The following NUP133 variants were observed in gnomAD, a reference collection of about 807,000 sequenced individuals.
NUP133 encodes nucleoporin 133.
A neutral mutation model predicts 146.2 loss-of-function variants in NUP133; 66 were observed. That is an observed-to-expected ratio of 0.45 (90% CI 0.37 to 0.55). The LOEUF is 0.55. NUP133 is among the 20% of genes least tolerant of loss of function. The pLI is 0.00. For synonymous variants in NUP133, 521 were observed against 498.8 expected (o/e 1.04, Z -0.59); for missense variants, 1,277 against 1,374.8 (o/e 0.93, Z 1.12).
chr1:229,498,429 A>G, intron 5 of NUP133, 123 bp from the exon 6 acceptor site: 2 of 616,988 alleles, frequency 3.2e-6, no homozygotes, highest in Non-Finnish European at 2.6e-6. Context: ...ACAAAATAGA[A>G]CGTTGTTATT....
intron 3 of NUP133, 144 bp downstream of exon 3, chr1:229,501,855 A>T: frequency 1.7e-6 from 1 of 603,984 alleles, no homozygotes; most frequent in Non-Finnish European, 3.0e-6. Flanking sequence ...TCATTATTTC[A>T]CATCACTATG....
intron 1 of NUP133, 45 bp downstream of exon 1, chr1:229,508,023 C>A: frequency 7.1e-7 from 1 of 1,416,448 alleles, no homozygotes. Context: ...CCACTGCGGC[C>A]CGTGAGGCTG....
intron 20 of NUP133, among the ~76,000 whole-genome samples, 184 bp from the exon 21 acceptor site, chr1:229,458,480 A>G (rs956784157): frequency 1.3e-5 from 2 of 152,188 alleles, no homozygotes; most frequent in Non-Finnish European, 2.9e-5. Flanking sequence ...CAAAATATCA[A>G]CCATCCTCAC....
intron 22 of NUP133, among the ~76,000 whole-genome samples, 187 bp downstream of exon 22, chr1:229,452,338 C>T (rs1431084449): frequency 1.3e-5 from 2 of 152,172 alleles, no homozygotes; most frequent in African/African-American, 4.8e-5. Context: ...GAGGCAGATG[C>T]TGATTAATTT....
At position 229,495,933 on chromosome 1, in the gene NUP133, T is replaced by C. The variant is rs771794210; in HGVS notation, c.934A>G (p.Ile312Val). The C allele has an allele frequency of 5.0e-6, 8 of 1,608,988 alleles. No individual in the cohort carries two copies. The highest frequency in any genetic ancestry group is 3.4e-5 in the Admixed American group (2 of 58,688). ...ATGTTTTCCTTCAGGGCTCTATTTA[T>C]ATCCCAACTGTATGCATGCTTTTCT... is the stretch of plus-strand genomic sequence containing the variant. Reference protein sequence around the residue: ...SSEKHAYSWDINRALKENITD... With the variant: ...SSEKHAYSWDVNRALKENITD... Residue 312 changes from isoleucine to valine, a missense_variant, in exon 7 of 26, where the codon ATA becomes GTA. Around this residue, in one of 3 missense-constraint regions of NUP133, gnomAD observed 952 missense variants for 1,047.0 expected, o/e 0.91. Coordinates refer to ENST00000261396, the MANE Select transcript of NUP133 (RefSeq NM_018230.3).
At chr1:229,499,605 T>C (rs1225226096) in intron 5 of NUP133, 79 bp downstream of exon 5, 2 of 1,483,784 alleles carry the variant, frequency 1.3e-6, no homozygotes, top group Non-Finnish European at 1.8e-6. Flanking sequence ...CCCACCTCTA[T>C]TTAAAAATAA....
chr1:229,462,513 C>G (rs910080665), intron 19 of NUP133, among the ~76,000 whole-genome samples: 2 of 151,760 alleles, frequency 1.3e-5, no homozygotes, highest in African/African-American at 4.8e-5. Context: ...ACTGAATAGA[C>G]TGGCTTCAAG....
chr1:229,444,420 C>T (rs906947061), intron 25 of NUP133, among the ~76,000 whole-genome samples: 5 of 152,112 alleles, frequency 3.3e-5, no homozygotes, highest in Admixed American at 6.5e-5. Context: ...TTATAATCCA[C>T]TAAGAATAAC....
intron 2 of NUP133, among the ~76,000 whole-genome samples, chr1:229,502,960 T>C (rs951592879): frequency 6.6e-6 from 1 of 151,304 alleles, no homozygotes; most frequent in Admixed American, 6.6e-5. Flanking sequence ...TATCAAAAAA[T>C]AAGTAAGCAG....
Position 229,441,630 on chromosome 1 carries a change from A to G in NUP133, c.*274T>C. ...GTGAGCAGCTAGAACCAGGACAAGA[A>G]CTCCAGAACCTGGGACCACGTGAGA... On this transcript the variant is annotated 3_prime_UTR_variant, in exon 26 of 26. Transcript: ENST00000261396. 2.7e-6 allele frequency: 1 copy of G among 374,880 alleles called. No homozygotes were observed. The highest frequency in any genetic ancestry group is 2.5e-5 in the South Asian group (1 of 40,398). 23.2% of individuals were successfully genotyped at this position (374,880 alleles called of 1,614,324 possible).
intron 14 of NUP133, among the ~76,000 whole-genome samples, chr1:229,472,705 TAC>T (rs952355203): frequency 1.5e-5 from 2 of 132,712 alleles, no homozygotes; most frequent in African/African-American, 7.0e-5. Context: ...AAACTAAATA[TAC>T]ATATATATAT....
chr1:229,470,598 T>G lies in NUP133; in HGVS notation c.2058A>C (p.Ala686=). Residue 686 remains alanine (A), a synonymous_variant, in exon 15 of 26, where the codon GCA becomes GCC. Coordinates refer to ENST00000261396, the MANE Select transcript of NUP133 (RefSeq NM_018230.3). ...ATCTTACCTCCCTGAAAAAGACATC[T>G]GCAGGAGTCAGGTTGGATGGGATTT... ...EYEIPSNLTP[A]DVFFREVSQV... is the part of the protein sequence containing the mutation. 1 of 1,614,124 alleles carries G rather than the reference T, an allele frequency of 6.2e-7. No individual in the cohort carries two copies. The highest frequency in any genetic ancestry group is 8.5e-7 in the Non-Finnish European group (1 of 1,179,952).
intron 8 of NUP133, among the ~76,000 whole-genome samples, chr1:229,490,690 C>T (rs146589140): frequency 7.2e-5 from 11 of 152,208 alleles, no homozygotes; most frequent in East Asian, 1.9e-4. Context: ...GGGCCAGGTG[C>T]GGTGGCTCAC....
chr1:229,475,757 TAGA>T (rs1253604162), intron 13 of NUP133, 25 bp from the exon 14 acceptor site: 1 of 1,539,476 alleles, frequency 6.5e-7, no homozygotes, highest in Non-Finnish European at 9.0e-7. Context: ...TGATAAAACT[TAGA>T]ACATAGTGGT....
intron 2 of NUP133, 63 bp downstream of exon 2, chr1:229,505,977 C>A (rs1661924657): frequency 2.2e-6 from 2 of 926,982 alleles, no homozygotes; most frequent in Non-Finnish European, 3.5e-6. Flanking sequence ...AATTTAATCT[C>A]TATGCCACAT....
At chr1:229,468,501 T>C (rs935776106) in intron 15 of NUP133, among the ~76,000 whole-genome samples, 2 of 152,202 alleles carry the variant, frequency 1.3e-5, no homozygotes, top group African/African-American at 4.8e-5. Context: ...CCATTTTTCA[T>C]ATGGAACATT....
intron 19 of NUP133, among the ~76,000 whole-genome samples, chr1:229,462,294 A>G (rs1195852487): frequency 1.3e-5 from 2 of 152,272 alleles, no homozygotes; most frequent in Non-Finnish European, 2.9e-5. Flanking sequence ...TTTGCAATGT[A>G]TCAAGTGAAA....
chr1:229,488,713 C>T (rs1214559744), intron 9 of NUP133, among the ~76,000 whole-genome samples: 3 of 151,444 alleles, frequency 2.0e-5, no homozygotes, highest in Admixed American at 1.3e-4. Context: ...AAGCCAGGAA[C>T]GGTGGTGCAC....
intron 14 of NUP133, among the ~76,000 whole-genome samples, chr1:229,472,335 A>C (rs1224457836): frequency 6.7e-6 from 1 of 149,554 alleles, no homozygotes; most frequent in Non-Finnish European, 1.5e-5. Flanking sequence ...AAAAAAAAAA[A>C]AAATCTAGGT....
Sources: allele counts gnomAD v4.1 joint callset (sites outside exome capture counted in the v4.1 genomes callset), GRCh38; gene constraint gnomAD v4.1.1; regional missense constraint gnomAD v4.1.1; transcripts MANE v1.5; gene names NCBI Gene and HGNC (gene_info 2026-07-23, HGNC 2026-07-21).